The following DPP10 variants were observed in gnomAD, a reference collection of about 807,000 sequenced individuals.
DPP10 encodes dipeptidyl peptidase like 10.
Under a neutral mutation model 120.9 loss-of-function variants are expected in DPP10, and 33 were observed. That is an observed-to-expected ratio of 0.27 (90% confidence interval 0.21 to 0.37). The LOEUF is 0.37. Ranked by LOEUF, DPP10 falls within the 10% of genes least tolerant of loss-of-function variation. The pLI is 1.00. For synonymous variants in DPP10, 337 were observed against 326.1 expected (o/e 1.03, Z -0.36); for missense variants, 816 against 942.8 (o/e 0.87, Z 1.76).
intron 3 of DPP10, among the ~76,000 whole-genome samples, chr2:115,476,035 G>A (rs1010695888): frequency 1.3e-5 from 2 of 152,082 alleles, no homozygotes; most frequent in African/African-American, 4.8e-5. Flanking sequence ...TAAGACTCGG[G>A]GGGACTCTTG....
chr2:115,256,970 G>A (rs2059028753), intron 1 of DPP10, among the ~76,000 whole-genome samples: 1 of 152,132 alleles, frequency 6.6e-6, no homozygotes, highest in African/African-American at 2.4e-5. Flanking sequence ...AATCCTTAGG[G>A]CATAAACAGA....
rs970655205 is a variant in DPP10, at chr2:115,732,042, T to C, written c.697+4106T>C. Among the ~76,000 whole-genome samples the C allele has an allele frequency of 4.0e-5, 6 of 151,160 alleles. No individual in the cohort carries two copies. In the East Asian group the frequency reaches 1.2e-3, roughly 29 times the overall value. On this transcript the variant is annotated intron_variant, in intron 8 of 25. Coordinates refer to ENST00000410059, the MANE Select transcript of DPP10 (RefSeq NM_020868.6). ...CTTTAATGCACTCACTGAAACACAA[T>C]GATATTGCCTAGGGAATGCATGTAA... is the stretch of plus-strand genomic sequence containing the variant.
chr2:115,746,592 G>C (rs1311198808), intron 10 of DPP10, among the ~76,000 whole-genome samples: 4 of 152,046 alleles, frequency 2.6e-5, no homozygotes, highest in Admixed American at 2.0e-4. Context: ...TTTTGCCAAA[G>C]ATTCTCTAGC....
At chr2:115,642,268 A>G (rs1056753932) in intron 5 of DPP10, among the ~76,000 whole-genome samples, 3 of 152,118 alleles carry the variant, frequency 2.0e-5, no homozygotes, top group African/African-American at 4.8e-5. Context: ...TATTTGGTCA[A>G]ACATTCCTCT....
chr2:115,453,199 G>C (rs1443111572), intron 3 of DPP10, among the ~76,000 whole-genome samples: 2 of 151,354 alleles, frequency 1.3e-5, no homozygotes, highest in Non-Finnish European at 3.0e-5. Flanking sequence ...TTATAATAAG[G>C]AGATCATGGA....
intron 15 of DPP10, among the ~76,000 whole-genome samples, chr2:115,780,583 G>A (rs1682632845): frequency 6.6e-6 from 1 of 151,718 alleles, no homozygotes; most frequent in African/African-American, 2.4e-5. Flanking sequence ...AAGTTAATTT[G>A]AGTTCCATTG....
intron 1 of DPP10, among the ~76,000 whole-genome samples, chr2:114,719,883 A>G (rs1701595289): frequency 6.6e-6 from 1 of 152,214 alleles, no homozygotes; most frequent in Non-Finnish European, 1.5e-5. Flanking sequence ...AATGGACTTG[A>G]AGAACATACA....
intron 1 of DPP10, among the ~76,000 whole-genome samples, chr2:114,774,245 A>C (rs187014787): frequency 8.6e-5 from 13 of 152,042 alleles, no homozygotes; most frequent in Admixed American, 6.6e-4. Context: ...TGAAATTGAC[A>C]CTCTAATGTG....
chr2:115,145,852 T>G (rs1021588030), intron 1 of DPP10, among the ~76,000 whole-genome samples: 2 of 152,156 alleles, frequency 1.3e-5, no homozygotes, highest in Non-Finnish European at 2.9e-5. Context: ...CTACCAGATA[T>G]GTAGTTGTAT....
At chr2:115,835,330 T>G (rs1424393003) in intron 21 of DPP10, among the ~76,000 whole-genome samples, 1 of 152,088 alleles carries the variant, frequency 6.6e-6, no homozygotes, top group Non-Finnish European at 1.5e-5. Flanking sequence ...TTAAGAAAGA[T>G]GACCAGGAAA....
At chr2:114,832,623 T>C (rs1180086013) in intron 1 of DPP10, among the ~76,000 whole-genome samples, 2 of 152,226 alleles carry the variant, frequency 1.3e-5, no homozygotes, top group Non-Finnish European at 2.9e-5. Context: ...TTCCATAAAA[T>C]AGTAAGAGCC....
chr2:115,827,026 A>G (rs1353872342), intron 21 of DPP10, among the ~76,000 whole-genome samples: 3 of 152,028 alleles, frequency 2.0e-5, no homozygotes, highest in Non-Finnish European at 4.4e-5. Context: ...TCATCTTGCC[A>G]TACACTTTCC....
chr2:114,477,529 A>G (rs1334028993), intron 1 of DPP10, among the ~76,000 whole-genome samples: 4 of 151,198 alleles, frequency 2.6e-5, no homozygotes, highest in Non-Finnish European at 4.4e-5. Flanking sequence ...ATATATGTAT[A>G]TATATATATG....
intron 1 of DPP10, among the ~76,000 whole-genome samples, chr2:115,044,719 T>C (rs1277121585): frequency 6.6e-6 from 1 of 152,156 alleles, no homozygotes; most frequent in African/African-American, 2.4e-5. Flanking sequence ...TCTATCTAAT[T>C]ATATTTAGGT....
chr2:115,655,728 A>G (rs1028741437), intron 5 of DPP10, among the ~76,000 whole-genome samples: 3 of 151,630 alleles, frequency 2.0e-5, no homozygotes, highest in Non-Finnish European at 4.4e-5. Context: ...ATATAAAAAG[A>G]TATTAATCAT....
chr2:115,576,505 A>C (rs1415362388), intron 5 of DPP10, among the ~76,000 whole-genome samples: 1 of 152,202 alleles, frequency 6.6e-6, no homozygotes, highest in East Asian at 1.9e-4. Flanking sequence ...AGAAAATGGC[A>C]TATCATTAAG....
intron 4 of DPP10, among the ~76,000 whole-genome samples, chr2:115,521,200 A>G (rs758973043): frequency 1.1e-4 from 17 of 152,228 alleles, no homozygotes; most frequent in Non-Finnish European, 2.1e-4. Flanking sequence ...AATACAAGCA[A>G]TGGTACACCA....
chr2:114,666,872 G>T (rs1034959941), intron 1 of DPP10, among the ~76,000 whole-genome samples: 4 of 152,120 alleles, frequency 2.6e-5, no homozygotes, highest in African/African-American at 9.7e-5. Context: ...TGTCTTAATC[G>T]TAACTATATA....
At chr2:115,603,520 G>C (rs2083481627) in intron 5 of DPP10, among the ~76,000 whole-genome samples, 1 of 149,638 alleles carries the variant, frequency 6.7e-6, no homozygotes, top group African/African-American at 2.5e-5. Context: ...AGCTGGGCTG[G>C]AACTTGGCCT....
Sources: gnomAD v4.1 joint callset for allele counts (sites outside exome capture counted in the v4.1 genomes callset) on GRCh38, gnomAD v4.1.1 for gene constraint, MANE v1.5 for transcripts, NCBI Gene and HGNC (gene_info 2026-07-23, HGNC 2026-07-21) for gene names.